CNIH1: variants seen among roughly 807,000 people sequenced by gnomAD.
CNIH1 encodes the protein protein cornichon homolog 1.
Under a neutral mutation model 20.2 loss-of-function variants are expected in CNIH1, and 12 were observed. That is an observed-to-expected ratio of 0.59 (90% CI 0.38 to 0.96). CNIH1 has a LOEUF of 0.96. CNIH1 is among the 40% of genes least tolerant of loss of function. The probability of loss-of-function intolerance (pLI) is 0.00; values close to 1 mark genes in which losing one functional copy is unlikely to be tolerated. For missense variants in CNIH1, 152 were observed against 178.8 expected (o/e 0.85, Z 0.85); for synonymous variants, 69 against 63.3 (o/e 1.09, Z -0.43).
intron 3 of CNIH1, among the ~76,000 whole-genome samples, chr14:54,431,708 T>C (rs1367477214): frequency 1.3e-5 from 2 of 152,168 alleles, no homozygotes; most frequent in Non-Finnish European, 2.9e-5. Flanking sequence ...GCAAAGCTAA[T>C]CTAAGTTGAT....
chr14:54,437,884 G>A (rs940795699), intron 1 of CNIH1, among the ~76,000 whole-genome samples: 1 of 151,924 alleles, frequency 6.6e-6, no homozygotes, highest in East Asian at 1.9e-4. Context: ...ATAATCATAA[G>A]TACTTGTCTA....
rs1248567853 is a variant in CNIH1 at position 54,425,669 on chromosome 14, T to C, written c.*2145A>G. ...GGGTAGATATTAGGAGAGCAGGTACTCAATCTTTTAATCACTTACATGCCT... is the reference window on the plus strand; with the variant it reads ...GGGTAGATATTAGGAGAGCAGGTACCCAATCTTTTAATCACTTACATGCCT... On this transcript the variant is annotated 3_prime_UTR_variant, in exon 5 of 5. Transcript: ENST00000216416. 2.6e-5 allele frequency: 4 copies of C among 152,182 alleles called. No individual in the cohort carries two copies. Among genetic ancestry groups the C allele is most frequent in the Admixed American group, 2.6e-4 (4 of 15,280 alleles). 9.4% of individuals were successfully genotyped at this position (152,182 alleles called of 1,614,324 possible).
rs969508865 is a variant in CNIH1, at chr14:54,436,872, A to C, written c.82-435T>G. ...GGCAGAAGTAATTGCCCACATCTCCACACAGCATGGGACTCTATAATGCCA... is the reference window on the plus strand; with the variant it reads ...GGCAGAAGTAATTGCCCACATCTCCCCACAGCATGGGACTCTATAATGCCA... On this transcript the variant is annotated intron_variant, in intron 1 of 4. Coordinates refer to ENST00000216416, the MANE Select transcript of CNIH1 (RefSeq NM_005776.3). 8.2e-5 allele frequency: 34 copies of C among 412,604 alleles called. 1 individual carries two copies. Among genetic ancestry groups the C allele is most frequent in the African/African-American group, 6.3e-4 (30 of 47,472 alleles). 25.6% of individuals were successfully genotyped at this position (412,604 alleles called of 1,614,324 possible).
chr14:54,435,992 G>T, intron 2 of CNIH1: 2 of 683,348 alleles, frequency 2.9e-6, no homozygotes, highest in South Asian at 3.1e-5. Flanking sequence ...CGAGCACACT[G>T]AACAAAACGT....
At chr14:54,430,498 G>A in intron 3 of CNIH1, 94 bp from the exon 4 acceptor site, 3 of 1,242,578 alleles carry the variant, frequency 2.4e-6, no homozygotes, top group Non-Finnish European at 3.3e-6. Flanking sequence ...GTTACGAGAG[G>A]TGGTCCATAA....
intron 1 of CNIH1, among the ~76,000 whole-genome samples, chr14:54,438,884 T>C (rs1364867217): frequency 6.6e-6 from 1 of 152,116 alleles, no homozygotes; most frequent in Non-Finnish European, 1.5e-5. Flanking sequence ...TCTCCTGCCA[T>C]TAGGACCCAA....
intron 4 of CNIH1, among the ~76,000 whole-genome samples, chr14:54,428,139 G>A (rs1192368771): frequency 1.3e-5 from 2 of 152,156 alleles, no homozygotes; most frequent in Non-Finnish European, 2.9e-5. Flanking sequence ...CACACACTCT[G>A]GAGTTGTGTC....
At chr14:54,433,294 G>C (rs1477988430) in intron 2 of CNIH1, among the ~76,000 whole-genome samples, 1 of 152,106 alleles carries the variant, frequency 6.6e-6, no homozygotes, top group Non-Finnish European at 1.5e-5. Context: ...CATGGCTGTA[G>C]ATATTGTAAT....
At chr14:54,436,881 G>A (rs2031065495) in intron 1 of CNIH1, 1 of 397,542 alleles carries the variant, frequency 2.5e-6, no homozygotes. Context: ...CACACAGCAT[G>A]GGACTCTATA....
intron 2 of CNIH1, among the ~76,000 whole-genome samples, chr14:54,434,315 G>T (rs2031009928): frequency 6.6e-6 from 1 of 152,140 alleles, no homozygotes; most frequent in Non-Finnish European, 1.5e-5. Context: ...CCAAGCACAT[G>T]TCTCTTCTCA....
intron 4 of CNIH1, among the ~76,000 whole-genome samples, chr14:54,429,954 C>T (rs531230676): frequency 3.2e-4 from 49 of 152,326 alleles, no homozygotes; most frequent in African/African-American, 1.2e-3. Flanking sequence ...TCACACATCC[C>T]TATCCTTCAA....
chr14:54,428,237 A>T (rs1318162895), intron 4 of CNIH1, among the ~76,000 whole-genome samples: 1 of 152,164 alleles, frequency 6.6e-6, no homozygotes, highest in Non-Finnish European at 1.5e-5. Context: ...TAATCCTTCA[A>T]GGAGTCCTAG....
Position 54,423,874 on chromosome 14 carries a change from A to G in CNIH1, c.*3940T>C, listed in dbSNP as rs1332523195. The G allele has an allele frequency of 2.0e-5, 3 of 152,246 alleles. No homozygotes were observed. The highest frequency in any genetic ancestry group is 4.8e-5 in the African/African-American group (2 of 41,476). The allele number at this position is 152,246 out of a possible 1,614,324, so 9.4% of individuals were successfully genotyped here. A position where few individuals can be genotyped will look rare whatever the true frequency, so the allele number is the denominator to read the frequency against. On this transcript the variant is annotated 3_prime_UTR_variant, in exon 5 of 5. Coordinates refer to ENST00000216416, the MANE Select transcript of CNIH1 (RefSeq NM_005776.3). ...TTATGCAGGTCAAGATGTTCTCCACATCTACAATGTGCATTAACAAAATTA... is the reference window on the plus strand; with the variant it reads ...TTATGCAGGTCAAGATGTTCTCCACGTCTACAATGTGCATTAACAAAATTA...
chr14:54,433,136 T>C (rs575471911), intron 2 of CNIH1, among the ~76,000 whole-genome samples: 3 of 152,328 alleles, frequency 2.0e-5, no homozygotes, highest in African/African-American at 7.2e-5. Context: ...CTTTGTTAAA[T>C]AAAAATACCA....
chr14:54,435,273 T>C (rs941454056), intron 2 of CNIH1, among the ~76,000 whole-genome samples: 2 of 152,048 alleles, frequency 1.3e-5, no homozygotes, highest in Admixed American at 1.3e-4. Flanking sequence ...CTGGGTACCC[T>C]GGTGTGTGCC....
intron 1 of CNIH1, among the ~76,000 whole-genome samples, chr14:54,437,824 G>A (rs1423316749): frequency 6.6e-6 from 1 of 152,114 alleles, no homozygotes; most frequent in Non-Finnish European, 1.5e-5. Context: ...GACGTCAGCC[G>A]TGGTATATAA....
Position 54,424,014 on chromosome 14 carries a change from GA to G in CNIH1, c.*3799del, listed in dbSNP as rs1252117356. The G allele has an allele frequency of 2.6e-5, 4 of 152,114 alleles. No homozygotes were observed. The highest frequency in any genetic ancestry group is 6.6e-5 in the Admixed American group (1 of 15,258). 9.4% of individuals were successfully genotyped at this position (152,114 alleles called of 1,614,324 possible). A position where few individuals can be genotyped will look rare whatever the true frequency, so the allele number is the denominator to read the frequency against. On this transcript the variant is annotated 3_prime_UTR_variant, in exon 5 of 5. Transcript: ENST00000216416. ...TTTAGACATTTAGCTTTGGAACTTT[GA>G]ATTTCAAAGTAAAATTGTTATAAGA...
intron 2 of CNIH1, among the ~76,000 whole-genome samples, chr14:54,434,584 AT>A (rs2140004006): frequency 6.6e-6 from 1 of 152,324 alleles, no homozygotes; most frequent in South Asian, 2.1e-4. Flanking sequence ...TGAGAATTAA[AT>A]TTAAAAATTC....
chr14:54,427,935 T>A, intron 4 of CNIH1, 94 bp from the exon 5 acceptor site: 1 of 1,166,802 alleles, frequency 8.6e-7, no homozygotes, highest in Non-Finnish European at 1.3e-6. Flanking sequence ...AGCAAACTAG[T>A]ATCACAGAAA....
Sources: allele counts gnomAD v4.1 joint callset (sites outside exome capture counted in the v4.1 genomes callset), GRCh38; gene constraint gnomAD v4.1.1; transcripts MANE v1.5; gene names NCBI Gene and HGNC (gene_info 2026-07-23, HGNC 2026-07-21).